The following ZFYVE27 variants were observed in gnomAD, a reference collection of about 807,000 sequenced individuals.
ZFYVE27 encodes zinc finger FYVE-type containing 27, also known as protrudin.
ZFYVE27 carries 36 observed loss-of-function variants against 52.8 expected under a neutral mutation model. The ratio of observed to expected loss-of-function variants is 0.68; its 90% CI spans 0.52 to 0.90. The LOEUF (loss-of-function observed/expected upper bound fraction) is 0.90. Among genes scored for constraint, ZFYVE27 ranks in the 40% least tolerant of loss-of-function variants. The pLI is 0.00. For synonymous variants in ZFYVE27, 223 were observed against 215.6 expected (o/e 1.03, Z -0.30); for missense variants, 450 against 527.2 (o/e 0.85, Z 1.43).
intron 10 of ZFYVE27, 145 bp downstream of exon 10, chr10:97,753,327 C>T (rs1254219950): frequency 6.2e-6 from 8 of 1,296,778 alleles, no homozygotes; most frequent in African/African-American, 4.4e-5. Flanking sequence ...GGTGTGTCCG[C>T]GGGACCCCGG....
intron 2 of ZFYVE27, among the ~76,000 whole-genome samples, chr10:97,740,307 G>A (rs1231527356): frequency 6.6e-6 from 1 of 152,242 alleles, no homozygotes; most frequent in Non-Finnish European, 1.5e-5. Flanking sequence ...GTAGAGGTGA[G>A]CTAGTCAGTG....
chr10:97,750,327 G>C lies in ZFYVE27; in HGVS notation c.665-4G>C. 3 of 1,613,998 alleles carry C rather than the reference G, an allele frequency of 1.9e-6. No homozygotes were observed. Among genetic ancestry groups the C allele is most frequent in the Non-Finnish European group, 2.5e-6 (3 of 1,180,028 alleles). ...TCCTACCTTGTTCTCCATTCCCTGG[G>C]TAGTTGTGTCTGAGTACAGGGCATC... On this transcript the variant is annotated splice_region_variant and splice_polypyrimidine_tract_variant and intron_variant, in intron 6 of 12. Transcript: ENST00000684270.
At chr10:97,741,040 C>G (rs543438550) in intron 2 of ZFYVE27, among the ~76,000 whole-genome samples, 1 of 152,294 alleles carries the variant, frequency 6.6e-6, no homozygotes, top group Non-Finnish European at 1.5e-5. Context: ...ACTAGAGGTT[C>G]TGAGGCGTAA....
chr10:97,741,813 C>T (rs918900168), intron 2 of ZFYVE27, among the ~76,000 whole-genome samples: 2 of 152,200 alleles, frequency 1.3e-5, no homozygotes, highest in Non-Finnish European at 2.9e-5. Context: ...CATTCAGTAA[C>T]TCTGAAATAC....
rs534401101 is a variant in ZFYVE27, at chr10:97,743,370, C to T, written c.268+206C>T. Among the ~76,000 whole-genome samples the T allele has an allele frequency of 9.2e-5, 14 of 152,286 alleles. No homozygotes were observed. The East Asian group carries it at 2.7e-3, about 29-fold the overall frequency. On this transcript the variant is annotated intron_variant, in intron 3 of 12. Coordinates refer to ENST00000684270, the MANE Select transcript of ZFYVE27 (RefSeq NM_001385875.1). ...TGACCTTGGGCAGATTATTGAACTT[C>T]CCTGTTAAGGCCTAATTTTCCTTAC...
chr10:97,744,883 T>G lies in ZFYVE27; in HGVS notation c.423T>G (p.Ser141=). 6.2e-7 allele frequency: 1 copy of G among 1,602,878 alleles called. No individual in the cohort carries two copies. The highest frequency in any genetic ancestry group is 8.5e-7 in the Non-Finnish European group (1 of 1,173,884). ...AGGACCTGCAGAGAGGTCGCCTGTCTCGTCCCGAGGCCGTGGCTGAGGTGA... is the reference window on the plus strand; with the variant it reads ...AGGACCTGCAGAGAGGTCGCCTGTCGCGTCCCGAGGCCGTGGCTGAGGTGA... ...RQEDLQRGRL[S]RPEAVAEVKS... Residue 141 remains serine (S), a synonymous_variant, in exon 4 of 13, where the codon TCT becomes TCG. Transcript: ENST00000684270.
chr10:97,757,581 T>G, intron 11 of ZFYVE27, 61 bp from the exon 12 acceptor site: 1 of 1,552,738 alleles, frequency 6.4e-7, no homozygotes, highest in Non-Finnish European at 8.9e-7. Flanking sequence ...AGGAGGGAGG[T>G]GCTGAGAACT....
In ZFYVE27 at chr10:97,743,103, G is replaced by C; in HGVS notation, c.207G>C (p.Met69Ile). 1 of 1,614,210 alleles carries C rather than the reference G, an allele frequency of 6.2e-7. No homozygotes were observed. ...DGVRYLLRWQ[M>I]PLCSLLTCLG... ...ACTCTCTGTATTGTAGGTGGCAGAT[G>C]CCTTTGTGTTCCTTGCTGACCTGCC... Residue 69 changes from methionine to isoleucine, a missense_variant, in exon 3 of 13, where the codon ATG (methionine) becomes ATC (isoleucine). Met to Ile is a conservative substitution (Grantham distance 10). Coordinates refer to ENST00000684270, the MANE Select transcript of ZFYVE27 (RefSeq NM_001385875.1).
chr10:97,747,715 A>G (rs2045846243), intron 4 of ZFYVE27, among the ~76,000 whole-genome samples: 1 of 152,114 alleles, frequency 6.6e-6, no homozygotes, highest in Non-Finnish European at 1.5e-5. Flanking sequence ...GGATGGTCAA[A>G]TTCATCTTAT....
intron 10 of ZFYVE27, among the ~76,000 whole-genome samples, chr10:97,755,251 G>A (rs2048059682): frequency 6.6e-6 from 1 of 152,248 alleles, no homozygotes; most frequent in Non-Finnish European, 1.5e-5. Flanking sequence ...ATGAGGGCAG[G>A]TGTAGCAGCT....
intron 1 of ZFYVE27, among the ~76,000 whole-genome samples, chr10:97,737,950 C>T (rs1283584494): frequency 6.6e-6 from 1 of 152,168 alleles, no homozygotes; most frequent in Non-Finnish European, 1.5e-5. Flanking sequence ...CAGAAGCAGT[C>T]GTGAATGGAG....
At chr10:97,741,287 A>G (rs946194990) in intron 2 of ZFYVE27, among the ~76,000 whole-genome samples, 17 of 152,248 alleles carry the variant, frequency 1.1e-4, no homozygotes, top group African/African-American at 3.6e-4. Context: ...ATTATAAATC[A>G]TTCTGCTGTA....
chr10:97,751,525 G>A (rs2046995793), intron 8 of ZFYVE27, 63 bp downstream of exon 8: 1 of 1,552,216 alleles, frequency 6.4e-7, no homozygotes, highest in South Asian at 1.1e-5. Context: ...TCCTGGAGCT[G>A]TTTTTTGTTT....
rs954215554 is a variant in ZFYVE27, at chr10:97,759,522, A to G, written c.*222A>G. On this transcript the variant is annotated 3_prime_UTR_variant, in exon 13 of 13. Coordinates refer to ENST00000684270, the MANE Select transcript of ZFYVE27 (RefSeq NM_001385875.1). ...TGCTCTCAATCCCTTGAGGGAGAAG[A>G]GCCCCTGGAGGGCCTGGCATGTTTG... The G allele has an allele frequency of 6.5e-6, 4 of 618,946 alleles. No individual in the cohort carries two copies. The highest frequency in any genetic ancestry group is 1.2e-5 in the Non-Finnish European group (4 of 340,886). The allele number at this position is 618,946 out of a possible 1,614,324, so 38.3% of individuals were successfully genotyped here. A position where few individuals can be genotyped will look rare whatever the true frequency, so the allele number is the denominator to read the frequency against.
chr10:97,757,674 C>T lies in ZFYVE27; in HGVS notation c.1122C>T (p.Cys374=). The T allele has an allele frequency of 6.2e-7, 1 of 1,614,214 alleles. No individual in the cohort carries two copies. Among genetic ancestry groups the T allele is most frequent in the Non-Finnish European group, 8.5e-7 (1 of 1,180,040 alleles). The change falls in exon 12 of 13, where the codon TGC becomes TGT. Residue 374 remains cysteine (C), a synonymous_variant. Coordinates refer to ENST00000684270, the MANE Select transcript of ZFYVE27 (RefSeq NM_001385875.1). ...RSCSNCGNSF[C]SRCCSFKVPK... The stretch of plus-strand genomic sequence containing the variant: ...GCAGTAATTGTGGAAACAGCTTCTG[C>T]TCTCGATGCTGCTCCTTCAAGGTGC...
At position 97,759,259 on chromosome 10, in the gene ZFYVE27, GTGTT is replaced by G; in HGVS notation, c.1199_1202del (p.Phe400CysfsTer9). ...AGCCCCTGAAGCCCAGAGGGAGACT[GTGTT>G]TGTGTGTGCCTCGTGTAACCAGACC... is the stretch of plus-strand genomic sequence containing the variant. On this transcript the variant is annotated frameshift_variant, in exon 13 of 13. Transcript: ENST00000684270. LOFTEE classifies it high-confidence loss of function. The G allele has an allele frequency of 6.2e-7, 1 of 1,614,210 alleles. No individual in the cohort carries two copies. The highest frequency in any genetic ancestry group is 8.5e-7 in the Non-Finnish European group (1 of 1,180,038).
intron 4 of ZFYVE27, among the ~76,000 whole-genome samples, chr10:97,746,051 A>ATATT (rs2045313432): frequency 4.7e-5 from 3 of 64,168 alleles, no homozygotes; most frequent in South Asian, 6.5e-4. Context: ...ATATATATAT[A>ATATT]TTTTTTTTTT....
At chr10:97,748,490 C>A in intron 5 of ZFYVE27, 126 bp downstream of exon 5, 1 of 872,972 alleles carries the variant, frequency 1.1e-6, no homozygotes. Context: ...CTCCTGGGCT[C>A]TTGTGTGTAT....
chr10:97,759,002 A>G (rs934404103), intron 12 of ZFYVE27, among the ~76,000 whole-genome samples: 3 of 152,142 alleles, frequency 2.0e-5, no homozygotes, highest in Admixed American at 6.5e-5. Flanking sequence ...TGTTGGTGCC[A>G]CAATAATGTC....
Sources: gnomAD v4.1 joint callset for allele counts (sites outside exome capture counted in the v4.1 genomes callset) on GRCh38, gnomAD v4.1.1 for gene constraint, MANE v1.5 for transcripts, NCBI Gene and HGNC (gene_info 2026-07-23, HGNC 2026-07-21) for gene names.